GABRB1: variants seen among roughly 807,000 people sequenced by gnomAD.
The protein encoded by GABRB1 is gamma-aminobutyric acid receptor subunit beta-1.
In GABRB1, 17 loss-of-function variants were observed where a neutral mutation model predicts 51.6. The observed-to-expected ratio is 0.33, with a 90% CI of 0.23 to 0.49. The LOEUF is 0.49. Ranked by LOEUF, GABRB1 falls within the 20% of genes least tolerant of loss-of-function variation. GABRB1 has a pLI of 0.99. For synonymous variants in GABRB1, 247 were observed against 218.9 expected (o/e 1.13, Z -1.14); for missense variants, 410 against 600.6 (o/e 0.68, Z 3.32).
chr4:47,094,229 C>CTTT (rs35279182), intron 3 of GABRB1, among the ~76,000 whole-genome samples: 10 of 126,622 alleles, frequency 7.9e-5, no homozygotes, highest in Non-Finnish European at 9.8e-5. Context: ...TCTTTTTTCT[C>CTTT]TTTTTTTTTT....
chr4:47,159,509 ATTTT>A (rs5858056), intron 3 of GABRB1, among the ~76,000 whole-genome samples: 1 of 148,732 alleles, frequency 6.7e-6, no homozygotes. Flanking sequence ...CCTGAGGGTT[ATTTT>A]TTTTTTTTTA....
At chr4:47,234,357 C>T (rs1179276475) in intron 4 of GABRB1, among the ~76,000 whole-genome samples, 1 of 151,956 alleles carries the variant, frequency 6.6e-6, no homozygotes, top group Non-Finnish European at 1.5e-5. Context: ...CATGGTGGTG[C>T]ATGCCTGTAA....
chr4:47,202,849 C>T (rs924690016), intron 4 of GABRB1, among the ~76,000 whole-genome samples: 3 of 152,132 alleles, frequency 2.0e-5, no homozygotes, highest in Admixed American at 1.3e-4. Flanking sequence ...AAGAAACAGA[C>T]AGTGGCTTCC....
At chr4:47,267,937 G>A (rs1437291431) in intron 4 of GABRB1, among the ~76,000 whole-genome samples, 1 of 152,110 alleles carries the variant, frequency 6.6e-6, no homozygotes, top group East Asian at 1.9e-4. Context: ...GCACTTGAAG[G>A]CCCATCACTA....
chr4:47,412,364 T>C (rs1397110998), intron 8 of GABRB1, among the ~76,000 whole-genome samples: 1 of 152,200 alleles, frequency 6.6e-6, no homozygotes. Flanking sequence ...CATTCAGTGT[T>C]ACACTATGTT....
At chr4:47,132,676 C>T (rs112774442) in intron 3 of GABRB1, among the ~76,000 whole-genome samples, 38 of 152,226 alleles carry the variant, frequency 2.5e-4, no homozygotes, top group East Asian at 1.2e-3. Flanking sequence ...AAACGCTCAA[C>T]GAATTTCTTG....
Position 47,145,707 on chromosome 4 carries a change from C to T in GABRB1, c.241-15542C>T, listed in dbSNP as rs977016351. Among the ~76,000 whole-genome samples, 7 of 152,060 alleles carry T rather than the reference C, an allele frequency of 4.6e-5. No individual in the cohort carries two copies. In the South Asian group the frequency reaches 1.0e-3, roughly 23 times the overall value. ...ATATAACATAATGAATATTTAAATG[C>T]AAGGGGAACTTCACATACTTCTGAA... On this transcript the variant is annotated intron_variant, in intron 3 of 8. Transcript: ENST00000295454.
chr4:47,294,483 G>A (rs1434332212), intron 4 of GABRB1, among the ~76,000 whole-genome samples: 2 of 152,190 alleles, frequency 1.3e-5, no homozygotes, highest in Admixed American at 6.5e-5. Context: ...AGGGTCCTAC[G>A]CCCACAGTCT....
In GABRB1 at chr4:47,112,370, C is replaced by G. The variant is rs552376638; in HGVS notation, c.241-48879C>G. Among the ~76,000 whole-genome samples, 44 of 152,304 alleles carry G rather than the reference C, an allele frequency of 2.9e-4. No homozygotes were observed. The South Asian group carries it at 3.7e-3, about 13-fold the overall frequency. On this transcript the variant is annotated intron_variant, in intron 3 of 8. Coordinates refer to ENST00000295454, the MANE Select transcript of GABRB1 (RefSeq NM_000812.4). ...TCCGACTGCCTCAGCCTCCCAAGTGCTGGGATTACAGGCGTGAGCCGCCAC... is the reference window on the plus strand; with the variant it reads ...TCCGACTGCCTCAGCCTCCCAAGTGGTGGGATTACAGGCGTGAGCCGCCAC...
chr4:46,997,724 A>G (rs1318578300), intron 1 of GABRB1, among the ~76,000 whole-genome samples: 1 of 149,984 alleles, frequency 6.7e-6, no homozygotes, highest in Admixed American at 6.8e-5. Flanking sequence ...GTGTGTGTAT[A>G]TATATGTATG....
At chr4:47,107,418 T>C (rs1246054308) in intron 3 of GABRB1, among the ~76,000 whole-genome samples, 3 of 152,058 alleles carry the variant, frequency 2.0e-5, no homozygotes, top group Non-Finnish European at 2.9e-5. Context: ...TTTGTCCCAC[T>C]GTGATTTTTT....
intron 4 of GABRB1, among the ~76,000 whole-genome samples, chr4:47,167,198 T>C (rs932565259): frequency 2.6e-5 from 4 of 152,120 alleles, no homozygotes; most frequent in African/African-American, 7.2e-5. Flanking sequence ...ATCTACATGA[T>C]GGCTTGTAAC....
chr4:47,222,967 A>C (rs1367433197), intron 4 of GABRB1, among the ~76,000 whole-genome samples: 1 of 152,076 alleles, frequency 6.6e-6, no homozygotes, highest in Admixed American at 6.6e-5. Flanking sequence ...ATGAGTACTT[A>C]AGAAAAATAT....
intron 3 of GABRB1, among the ~76,000 whole-genome samples, chr4:47,033,634 T>C (rs560286102): frequency 5.3e-5 from 8 of 152,354 alleles, no homozygotes; most frequent in African/African-American, 1.9e-4. Flanking sequence ...TACTGTGTCG[T>C]TTTATTTTAA....
At chr4:47,071,057 ATTC>A (rs1727316442) in intron 3 of GABRB1, among the ~76,000 whole-genome samples, 1 of 152,166 alleles carries the variant, frequency 6.6e-6, no homozygotes, top group African/African-American at 2.4e-5. Flanking sequence ...AAGCAACACC[ATTC>A]TTCTAATTGC....
chr4:47,183,057 T>C (rs1432866788), intron 4 of GABRB1, among the ~76,000 whole-genome samples: 5 of 151,872 alleles, frequency 3.3e-5, no homozygotes, highest in Non-Finnish European at 7.4e-5. Flanking sequence ...GGTAGGTATA[T>C]TAACTTATTT....
chr4:47,024,955 A>G (rs1473901041), intron 1 of GABRB1, among the ~76,000 whole-genome samples: 2 of 60,766 alleles, frequency 3.3e-5, no homozygotes, highest in Admixed American at 3.2e-4. Flanking sequence ...TATATATGTT[A>G]TTTGTTTTTA....
chr4:47,325,202 C>G (rs551102828), intron 5 of GABRB1, among the ~76,000 whole-genome samples: 1 of 152,046 alleles, frequency 6.6e-6, no homozygotes, highest in African/African-American at 2.4e-5. Flanking sequence ...TTTGGGAGGC[C>G]GAGGCAGGCA....
intron 5 of GABRB1, among the ~76,000 whole-genome samples, chr4:47,401,454 C>T (rs1004459434): frequency 6.6e-6 from 1 of 152,176 alleles, no homozygotes; most frequent in Non-Finnish European, 1.5e-5. Context: ...GTAGGCCCAA[C>T]AGCCCCTTCA....
Sources: allele counts gnomAD v4.1 joint callset (sites outside exome capture counted in the v4.1 genomes callset), GRCh38; gene constraint gnomAD v4.1.1; transcripts MANE v1.5; gene names NCBI Gene and HGNC (gene_info 2026-07-23, HGNC 2026-07-21).